The following TMEM161A variants were observed in gnomAD, a reference collection of about 807,000 sequenced individuals.
TMEM161A encodes the protein transmembrane protein 161A.
Under a neutral mutation model 57.1 loss-of-function variants are expected in TMEM161A, and 46 were observed. That is an observed-to-expected ratio of 0.81 (90% confidence interval 0.64 to 1.03). TMEM161A has a LOEUF of 1.03. TMEM161A is among the 50% of genes least tolerant of loss of function. The pLI, the probability that TMEM161A is intolerant of heterozygous loss-of-function variation, is 0.00. For missense variants in TMEM161A, 601 were observed against 621.5 expected (o/e 0.97, Z 0.35); for synonymous variants, 288 against 279.0 (o/e 1.03, Z -0.32).
rs2059967632 is a variant in TMEM161A, at chr19:19,133,176, G to C, written c.142C>G (p.Leu48Val). 1 of 1,614,072 alleles carries C rather than the reference G, an allele frequency of 6.2e-7. No homozygotes were observed. The highest frequency in any genetic ancestry group is 1.3e-5 in the African/African-American group (1 of 74,934). ...FRYKHPSEEE[L>V]RALAGKPRPR... ...CTCGGCTTCCCCGCCAGGGCCCGAA[G>C]CTCCTCCTCAGACGGGTGCTTGTAT... The change falls in exon 3 of 12, where the codon CTT (leucine) becomes GTT (valine). Residue 48 changes from leucine to valine, a missense_variant. By Grantham distance (32) the Leu-to-Val change is conservative (BLOSUM62 1). Coordinates refer to ENST00000162044, the MANE Select transcript of TMEM161A (RefSeq NM_017814.3).
chr19:19,134,937 C>T (rs951182567), intron 1 of TMEM161A, 50 bp from the exon 2 acceptor site: 1 of 1,320,644 alleles, frequency 7.6e-7, no homozygotes, highest in Non-Finnish European at 1.1e-6. Context: ...GTCACAAGTT[C>T]CCTCCCTCCC....
In TMEM161A at chr19:19,130,098, G is replaced by C. The variant is rs527254396; in HGVS notation, c.595+58C>G. The stretch of plus-strand genomic sequence containing the variant: ...ACACGGAGCCAGTTAAACCATCTTG[G>C]TCAGATTACATGAGGGAGTGACAGC... On this transcript the variant is annotated intron_variant, in intron 6 of 11. Coordinates refer to ENST00000162044, the MANE Select transcript of TMEM161A (RefSeq NM_017814.3). The C allele has an allele frequency of 1.7e-4, 267 of 1,597,902 alleles. 1 individual carries two copies. In the Middle Eastern group the frequency reaches 4.8e-3, roughly 29 times the overall value.
chr19:19,131,507 T>C lies in TMEM161A; in HGVS notation c.443+845A>G, dbSNP rs11666406. Among the ~76,000 whole-genome samples, 214 of 144,946 alleles carry C rather than the reference T, an allele frequency of 1.5e-3. 2 individuals carry two copies. Among genetic ancestry groups the C allele is most frequent in the Admixed American group, 4.7e-3 (67 of 14,376 alleles). ...ACACACACACACATATATATATATA[T>C]ACACACACACACACACACACACACA... On this transcript the variant is annotated intron_variant, in intron 5 of 11. Coordinates refer to ENST00000162044, the MANE Select transcript of TMEM161A (RefSeq NM_017814.3).
chr19:19,134,670 C>G, intron 2 of TMEM161A, 114 bp downstream of exon 2: 1 of 694,412 alleles, frequency 1.4e-6, no homozygotes, highest in Middle Eastern at 4.0e-4. Flanking sequence ...CAACGTTTTT[C>G]CCCCCACCAC....
chr19:19,127,405 C>T (rs1028029134), intron 6 of TMEM161A, among the ~76,000 whole-genome samples: 3 of 151,056 alleles, frequency 2.0e-5, no homozygotes, highest in Middle Eastern at 3.4e-3. Context: ...CTGCAAGCGC[C>T]GCCTCCTGGG....
At chr19:19,130,613 G>A (rs770201112) in intron 5 of TMEM161A, 82 of 370,696 alleles carry the variant, frequency 2.2e-4, no homozygotes, top group Non-Finnish European at 3.8e-4. Context: ...ATCAGATATA[G>A]AAGGGCTTCA....
intron 6 of TMEM161A, among the ~76,000 whole-genome samples, chr19:19,122,500 G>A (rs998207292): frequency 2.0e-5 from 3 of 152,018 alleles, no homozygotes; most frequent in Non-Finnish European, 4.4e-5. Flanking sequence ...GAGCAGGGCT[G>A]GGTGCAGTGG....
intron 3 of TMEM161A, 23 bp downstream of exon 3, chr19:19,133,101 AGGCTGG>A (rs766957949): frequency 1.2e-6 from 2 of 1,606,750 alleles, no homozygotes; most frequent in African/African-American, 2.7e-5. Flanking sequence ...CACCCTCCCA[AGGCTGG>A]GGCTGGGGCC....
chr19:19,123,093 G>T (rs938424772), intron 6 of TMEM161A, among the ~76,000 whole-genome samples: 1 of 152,190 alleles, frequency 6.6e-6, no homozygotes, highest in Non-Finnish European at 1.5e-5. Context: ...AAAGGAGGAA[G>T]TGATGAACTG....
At chr19:19,128,533 A>ATTT (rs755755153) in intron 6 of TMEM161A, among the ~76,000 whole-genome samples, 8 of 110,546 alleles carry the variant, frequency 7.2e-5, no homozygotes, top group Non-Finnish European at 9.3e-5. Context: ...CCTGGCCTAC[A>ATTT]TTTTTTTTTT....
intron 1 of TMEM161A, among the ~76,000 whole-genome samples, chr19:19,135,733 T>C (rs560741344): frequency 1.1e-3 from 165 of 152,140 alleles, no homozygotes; most frequent in African/African-American, 3.8e-3. Flanking sequence ...CTCGCCACCA[T>C]ACCCAACTAA....
chr19:19,131,203 A>G (rs570298268), intron 5 of TMEM161A, among the ~76,000 whole-genome samples: 4 of 152,240 alleles, frequency 2.6e-5, no homozygotes, highest in Admixed American at 1.3e-4. Context: ...CTGGGCAACA[A>G]GAGTAAAACT....
intron 1 of TMEM161A, among the ~76,000 whole-genome samples, chr19:19,136,922 C>A (rs2059987323): frequency 6.6e-6 from 1 of 152,006 alleles, no homozygotes; most frequent in South Asian, 2.1e-4. Context: ...AAGCCCCACC[C>A]TTCCCCTAGG....
At chr19:19,133,467 CT>C (rs906299158) in intron 2 of TMEM161A, 76 of 452,876 alleles carry the variant, frequency 1.7e-4, no homozygotes, top group African/African-American at 1.4e-3. Context: ...TGCAACTTTT[CT>C]TTTCTTTTTC....
chr19:19,133,590 G>C (rs993681138), intron 2 of TMEM161A, among the ~76,000 whole-genome samples: 1 of 152,150 alleles, frequency 6.6e-6, no homozygotes, highest in African/African-American at 2.4e-5. Flanking sequence ...TCCTGCCTCA[G>C]CCTCCCGAGG....
chr19:19,130,732 T>G (rs543715530), intron 5 of TMEM161A, among the ~76,000 whole-genome samples: 1 of 144,064 alleles, frequency 6.9e-6, no homozygotes, highest in African/African-American at 2.6e-5. Context: ...AGCCCAGGAG[T>G]TCAAGAGCAG....
At chr19:19,124,935 A>G (rs2059924193) in intron 6 of TMEM161A, among the ~76,000 whole-genome samples, 1 of 152,174 alleles carries the variant, frequency 6.6e-6, no homozygotes, top group Non-Finnish European at 1.5e-5. Context: ...AGCCTGGGTG[A>G]CAAGAGCAAA....
rs930488645 is a variant in TMEM161A, at chr19:19,132,992, C to T, written c.188+138G>A. The T allele has an allele frequency of 2.2e-5, 18 of 806,570 alleles. No individual in the cohort carries two copies. Among genetic ancestry groups the T allele is most frequent in the Middle Eastern group, 3.7e-4 (1 of 2,702 alleles). The allele number at this position is 806,570 out of a possible 1,614,324, so 50.0% of individuals were successfully genotyped here. The stretch of plus-strand genomic sequence containing the variant: ...CTTGGACTAGGGTCTCCCGGTTCAC[C>T]TGTGCCCAGATCAGCGCCTGGAAGT... On this transcript the variant is annotated intron_variant, in intron 3 of 11. Coordinates refer to ENST00000162044, the MANE Select transcript of TMEM161A (RefSeq NM_017814.3). The surrounding 1 kb of genome is among the most constrained non-coding windows in gnomAD (Gnocchi z 4.3).
chr19:19,138,283 A>G, intron 1 of TMEM161A, 143 bp downstream of exon 1: 2 of 1,229,158 alleles, frequency 1.6e-6, no homozygotes, highest in Non-Finnish European at 2.3e-6. Context: ...AGAGGGACAC[A>G]CGGCCTTCAG....
Sources: gnomAD v4.1 joint callset for allele counts (sites outside exome capture counted in the v4.1 genomes callset) on GRCh38, gnomAD v4.1.1 for gene constraint, Gnocchi (gnomAD v3.1) non-coding constraint, MANE v1.5 for transcripts, NCBI Gene and HGNC (gene_info 2026-07-23, HGNC 2026-07-21) for gene names.